CACNG3: variants seen among roughly 807,000 people sequenced by gnomAD.
The protein encoded by CACNG3 is voltage-dependent calcium channel gamma-3 subunit.
Under a neutral mutation model 28.5 loss-of-function variants are expected in CACNG3, and 3 were observed. The ratio of observed to expected loss-of-function variants is 0.11; its 90% CI spans 0.05 to 0.27. The LOEUF (loss-of-function observed/expected upper bound fraction) is 0.27. Ranked by LOEUF, CACNG3 falls within the 10% of genes least tolerant of loss-of-function variation. The probability of loss-of-function intolerance (pLI) is 1.00; values close to 1 mark genes in which losing one functional copy is unlikely to be tolerated. For synonymous variants in CACNG3, 174 were observed against 162.2 expected (o/e 1.07, Z -0.55); for missense variants, 236 against 414.4 (o/e 0.57, Z 3.74).
chr16:24,309,600 G>T (rs1023563848), intron 1 of CACNG3, among the ~76,000 whole-genome samples: 3 of 152,212 alleles, frequency 2.0e-5, no homozygotes, highest in Admixed American at 6.5e-5. Context: ...AGGGGTGCCT[G>T]GTGCCTGGTG....
intron 1 of CACNG3, among the ~76,000 whole-genome samples, chr16:24,288,779 C>A (rs1269075455): frequency 6.6e-6 from 1 of 152,106 alleles, no homozygotes; most frequent in Non-Finnish European, 1.5e-5. Flanking sequence ...AAGCAAGGCT[C>A]CCATTTGTTG....
chr16:24,359,999 T>C (rs1262309380), intron 3 of CACNG3, among the ~76,000 whole-genome samples: 1 of 152,196 alleles, frequency 6.6e-6, no homozygotes, highest in Non-Finnish European at 1.5e-5. Context: ...TGCTGGACTG[T>C]AGGGAGATCT....
chr16:24,305,837 GA>G (rs1345280443), intron 1 of CACNG3, among the ~76,000 whole-genome samples: 2 of 152,034 alleles, frequency 1.3e-5, no homozygotes, highest in African/African-American at 4.8e-5. Context: ...TAAAAAGAAG[GA>G]AAAAAATTAT....
chr16:24,361,719 C>T lies in CACNG3; in HGVS notation c.804C>T (p.Ser268=), dbSNP rs1027898569. The T allele has an allele frequency of 6.2e-7, 1 of 1,614,064 alleles. No individual in the cohort carries two copies. Among genetic ancestry groups the T allele is most frequent in the Non-Finnish European group, 8.5e-7 (1 of 1,179,998 alleles). The change falls in exon 4 of 4, where the codon TCC becomes TCT. Residue 268 remains serine, a synonymous_variant. Coordinates refer to ENST00000005284, the MANE Select transcript of CACNG3 (RefSeq NM_006539.4). This position sits in a 1 kb window ranked among gnomAD's most constrained non-coding sequence, Gnocchi z 6.8. ...PSTDISMFTL[S]RDPSKITMGT... ...CTGACATCTCGATGTTCACCCTCTC[C>T]CGGGACCCCTCAAAGATCACCATGG...
intron 1 of CACNG3, among the ~76,000 whole-genome samples, chr16:24,335,917 A>C (rs1388373398): frequency 1.7e-5 from 2 of 117,926 alleles, no homozygotes; most frequent in African/African-American, 6.5e-5. Flanking sequence ...TCTACTAAAA[A>C]TACCAAAAAA....
intron 1 of CACNG3, among the ~76,000 whole-genome samples, chr16:24,317,969 CT>C (rs1899409224): frequency 6.6e-6 from 1 of 152,182 alleles, no homozygotes; most frequent in Non-Finnish European, 1.5e-5. Flanking sequence ...CTTAATGTGG[CT>C]GCTCATGCTT....
intron 1 of CACNG3, among the ~76,000 whole-genome samples, chr16:24,281,617 A>C (rs898762937): frequency 1.3e-5 from 2 of 152,206 alleles, no homozygotes; most frequent in Non-Finnish European, 2.9e-5. Context: ...TTATTGAACC[A>C]ATCACTGCAG....
At chr16:24,320,443 G>T (rs1364049606) in intron 1 of CACNG3, among the ~76,000 whole-genome samples, 2 of 152,280 alleles carry the variant, frequency 1.3e-5, no homozygotes, top group East Asian at 3.9e-4. Context: ...TGACCTCACA[G>T]TTTGCTGCTG....
intron 1 of CACNG3, among the ~76,000 whole-genome samples, chr16:24,329,431 TAGTC>T (rs1202103952): frequency 6.6e-6 from 1 of 152,178 alleles, no homozygotes; most frequent in Non-Finnish European, 1.5e-5. Flanking sequence ...CAGCTTAACA[TAGTC>T]AGAATGCTAA....
intron 1 of CACNG3, among the ~76,000 whole-genome samples, chr16:24,283,653 C>CT (rs1314907072): frequency 6.6e-6 from 1 of 152,044 alleles, no homozygotes; most frequent in Non-Finnish European, 1.5e-5. Context: ...TTTGCCTCCA[C>CT]TTTTTTTTCT....
chr16:24,260,925 T>C (rs1236189576), intron 1 of CACNG3, among the ~76,000 whole-genome samples: 1 of 152,188 alleles, frequency 6.6e-6, no homozygotes, highest in African/African-American at 2.4e-5. Flanking sequence ...GTGTTCAATA[T>C]GTGACTCTCT....
At position 24,318,500 on chromosome 16, in the gene CACNG3, C is replaced by T. The variant is rs762412094; in HGVS notation, c.212-28234C>T. ...AATTACCGCACCCGGCCTGTATATC[C>T]TTTTTCGAATGAATGAATGAAAAAA... On this transcript the variant is annotated intron_variant, in intron 1 of 3. Transcript: ENST00000005284. 2.6e-5 allele frequency among the ~76,000 whole-genome samples: 4 copies of T among 152,152 alleles called. 1 individual carries two copies. Among genetic ancestry groups the T allele is most frequent in the Admixed American group, 1.3e-4 (2 of 15,278 alleles).
intron 1 of CACNG3, among the ~76,000 whole-genome samples, chr16:24,341,471 T>C (rs192749573): frequency 2.2e-3 from 332 of 152,324 alleles, no homozygotes; most frequent in Non-Finnish European, 4.1e-3. Context: ...CCTACCATAC[T>C]CCAGGAACTG....
chr16:24,330,987 C>A (rs1402024075), intron 1 of CACNG3, among the ~76,000 whole-genome samples: 1 of 152,132 alleles, frequency 6.6e-6, no homozygotes, highest in African/African-American at 2.4e-5. Context: ...TTGTAAACAT[C>A]AAATATCAAA....
intron 1 of CACNG3, among the ~76,000 whole-genome samples, chr16:24,294,455 G>C (rs540254082): frequency 6.6e-6 from 1 of 152,276 alleles, no homozygotes; most frequent in South Asian, 2.1e-4. Context: ...CAGTGGAGGG[G>C]ATAATTGTCT....
intron 1 of CACNG3, among the ~76,000 whole-genome samples, chr16:24,345,155 C>T (rs944208848): frequency 2.6e-5 from 4 of 152,146 alleles, no homozygotes; most frequent in Non-Finnish European, 5.9e-5. Flanking sequence ...TCATGTATAG[C>T]TTTATTTCAT....
intron 1 of CACNG3, among the ~76,000 whole-genome samples, chr16:24,263,768 T>G (rs1298977696): frequency 6.6e-6 from 1 of 152,266 alleles, no homozygotes. Context: ...CCTTCATTTC[T>G]TCTTACCTCT....
intron 1 of CACNG3, among the ~76,000 whole-genome samples, chr16:24,288,210 G>T (rs189873822): frequency 6.6e-6 from 1 of 152,162 alleles, no homozygotes; most frequent in African/African-American, 2.4e-5. Context: ...TGATGGTGAT[G>T]ATGATAATGA....
intron 3 of CACNG3, 137 bp downstream of exon 3, chr16:24,355,110 C>T (rs1419391862): frequency 3.6e-6 from 3 of 843,162 alleles, no homozygotes; most frequent in South Asian, 1.9e-5. Flanking sequence ...AGGATGAGAA[C>T]TCCAAGAATT....
Sources: gnomAD v4.1 joint callset for allele counts (sites outside exome capture counted in the v4.1 genomes callset) on GRCh38, gnomAD v4.1.1 for gene constraint, Gnocchi (gnomAD v3.1) non-coding constraint, MANE v1.5 for transcripts, NCBI Gene and HGNC (gene_info 2026-07-23, HGNC 2026-07-21) for gene names.